The following PPP6R2 variants were observed in gnomAD, a reference collection of about 807,000 sequenced individuals.
The protein encoded by PPP6R2 is protein phosphatase 6 regulatory subunit 2, also known as serine/threonine-protein phosphatase 6 regulatory subunit 2.
A neutral mutation model predicts 100.2 loss-of-function variants in PPP6R2; 62 were observed. The ratio of observed to expected loss-of-function variants is 0.62; its 90% confidence interval spans 0.50 to 0.76. The LOEUF (loss-of-function observed/expected upper bound fraction) is 0.76, where lower values mean the gene tolerates loss of function less well. Among genes scored for constraint, PPP6R2 ranks in the 30% least tolerant of loss-of-function variants. PPP6R2 has a pLI of 0.00. For missense variants in PPP6R2, 1,142 were observed against 1,276.3 expected (o/e 0.89, Z 1.60); for synonymous variants, 525 against 514.7 (o/e 1.02, Z -0.27).
At chr22:50,409,904 T>G (rs1046400563) in intron 4 of PPP6R2, among the ~76,000 whole-genome samples, 2 of 152,080 alleles carry the variant, frequency 1.3e-5, no homozygotes, top group Non-Finnish European at 2.9e-5. Context: ...TTTTTATATT[T>G]TTTAGTGGAG....
At chr22:50,350,723 T>C (rs1024764689) in intron 1 of PPP6R2, among the ~76,000 whole-genome samples, 28 of 151,080 alleles carry the variant, frequency 1.9e-4, no homozygotes, top group African/African-American at 6.8e-4. Flanking sequence ...TGGGCGCCTG[T>C]AGTCTCAGCT....
At chr22:50,354,492 T>G (rs994144078) in intron 1 of PPP6R2, among the ~76,000 whole-genome samples, 1 of 151,994 alleles carries the variant, frequency 6.6e-6, no homozygotes, top group Non-Finnish European at 1.5e-5. Flanking sequence ...ATTTTTATTT[T>G]TTGGCTAGTC....
chr22:50,338,537 GGT>G (rs762569796), upstream of PPP6R2, among the ~76,000 whole-genome samples: 3 of 123,340 alleles, frequency 2.4e-5, no homozygotes, highest in Non-Finnish European at 5.0e-5. Context: ...GTGTGTGTAG[GGT>G]GTGTGGTGTG....
In PPP6R2 at chr22:50,388,598, G is replaced by A. The variant is rs185675445; in HGVS notation, c.-16-5295G>A. On this transcript the variant is annotated intron_variant, in intron 2 of 23. Coordinates refer to ENST00000612753, the MANE Select transcript of PPP6R2 (RefSeq NM_001242898.2). ...ACATAAATTTTTTAAAAAGGGCCAG[G>A]CACGGTGGCTCACGCCTATAATCCC... Among the ~76,000 whole-genome samples, 6 of 152,186 alleles carry A rather than the reference G, an allele frequency of 3.9e-5. No homozygotes were observed. In the East Asian group the frequency reaches 1.2e-3, roughly 29 times the overall value.
chr22:50,338,557 T>C (rs527859559), upstream of PPP6R2, among the ~76,000 whole-genome samples: 10 of 107,138 alleles, frequency 9.3e-5, no homozygotes, highest in East Asian at 2.4e-3. Flanking sequence ...GTGTGTGGTA[T>C]GTAGTGTGTG....
rs1331607383 is a variant in PPP6R2, at chr22:50,438,593, C to T, written c.1965-6C>T. 3 of 1,613,520 alleles carry T rather than the reference C, an allele frequency of 1.9e-6. No individual in the cohort carries two copies. Among genetic ancestry groups the T allele is most frequent in the Non-Finnish European group, 2.5e-6 (3 of 1,179,784 alleles). The stretch of plus-strand genomic sequence containing the variant: ...CACCAGACATCTGACTCTGAATCTC[C>T]CCCAGGTTTGGAGCCCCCCATGCTT... On this transcript the variant is annotated splice_region_variant and splice_polypyrimidine_tract_variant and intron_variant, in intron 18 of 23. Transcript: ENST00000612753.
chr22:50,396,829 G>A (rs76623225), intron 3 of PPP6R2, among the ~76,000 whole-genome samples: 1,997 of 152,266 alleles, frequency 0.013, 39 homozygotes, highest in African/African-American at 0.046. Flanking sequence ...GAGAGTTCTA[G>A]CCTGAGCAGG....
chr22:50,395,648 C>T (rs1603122979), intron 3 of PPP6R2, among the ~76,000 whole-genome samples: 1 of 152,104 alleles, frequency 6.6e-6, no homozygotes, highest in Non-Finnish European at 1.5e-5. Context: ...AGAGTCTCTG[C>T]CTCCTGGTCC....
chr22:50,366,255 C>T (rs2048737276), intron 1 of PPP6R2, among the ~76,000 whole-genome samples: 1 of 151,980 alleles, frequency 6.6e-6, no homozygotes, highest in African/African-American at 2.4e-5. Context: ...CAAGGTTTTC[C>T]ACTGCAACTG....
chr22:50,419,257 C>A, intron 7 of PPP6R2, 92 bp from the exon 8 acceptor site: 2 of 1,153,656 alleles, frequency 1.7e-6, no homozygotes, highest in Non-Finnish European at 2.5e-6. Flanking sequence ...GAGGGTTTTG[C>A]TGGGGTCCTC....
At chr22:50,394,231 TGAA>T (rs2056246674) in intron 3 of PPP6R2, 96 bp downstream of exon 3, 5 of 1,499,694 alleles carry the variant, frequency 3.3e-6, no homozygotes, top group Admixed American at 4.2e-5. Context: ...GGATTTCTGA[TGAA>T]GAAGCGAGCC....
chr22:50,438,299 G>C lies in PPP6R2; in HGVS notation c.1964+1G>C, dbSNP rs747636945. 6.2e-7 allele frequency: 1 copy of C among 1,610,456 alleles called. No homozygotes were observed. The highest frequency in any genetic ancestry group is 2.2e-5 in the East Asian group (1 of 44,886). On this transcript the variant is annotated splice_donor_variant, in intron 18 of 23. Transcript: ENST00000612753. LOFTEE classifies it high-confidence loss of function. ...CTGCCCGGGTGATGGCCAGACCCAGGTGCGGGGCCTGCCCATCCCCACAAA... is the reference window on the plus strand; with the variant it reads ...CTGCCCGGGTGATGGCCAGACCCAGCTGCGGGGCCTGCCCATCCCCACAAA...
chr22:50,375,895 C>CA (rs1328411039), intron 2 of PPP6R2, among the ~76,000 whole-genome samples: 1 of 121,998 alleles, frequency 8.2e-6, no homozygotes, highest in Admixed American at 1.1e-4. Context: ...GGCTGAAGTG[C>CA]AGTAGCACAA....
intron 2 of PPP6R2, among the ~76,000 whole-genome samples, chr22:50,387,007 A>G (rs891654645): frequency 6.6e-6 from 1 of 152,016 alleles, no homozygotes; most frequent in Admixed American, 6.6e-5. Flanking sequence ...GTACCTTACT[A>G]CTGTTTTTGG....
intron 8 of PPP6R2, among the ~76,000 whole-genome samples, chr22:50,419,806 G>A (rs1416086187): frequency 2.6e-5 from 4 of 152,178 alleles, no homozygotes; most frequent in Admixed American, 1.3e-4. Flanking sequence ...TGTGTGTGTC[G>A]CAGGGTTTCC....
chr22:50,399,194 T>C (rs2057624282), intron 3 of PPP6R2, among the ~76,000 whole-genome samples: 1 of 152,170 alleles, frequency 6.6e-6, no homozygotes, highest in Non-Finnish European at 1.5e-5. Context: ...AAGACTGTCA[T>C]CTCTTTAAAA....
chr22:50,432,327 G>C lies in PPP6R2; in HGVS notation c.1398G>C (p.Thr466=), dbSNP rs375288131. The change falls in exon 12 of 24, where the codon ACG becomes ACC. Residue 466 remains threonine, a splice_region_variant and synonymous_variant. Transcript: ENST00000612753. ...AGGCCTGGGAAGCCAACGACCACACGCAGTAAGAGCCGCTCGGACGTGGAG... is the reference window on the plus strand; with the variant it reads ...AGGCCTGGGAAGCCAACGACCACACCCAGTAAGAGCCGCTCGGACGTGGAG... ...ILEAWEANDH[T]QAAGGMRRGN... is the part of the protein sequence containing the mutation. 1 of 1,549,006 alleles carries C rather than the reference G, an allele frequency of 6.5e-7. No homozygotes were observed. Among genetic ancestry groups the C allele is most frequent in the Non-Finnish European group, 8.7e-7 (1 of 1,146,852 alleles).
intron 2 of PPP6R2, among the ~76,000 whole-genome samples, chr22:50,373,762 C>T (rs558565115): frequency 6.6e-6 from 1 of 151,954 alleles, no homozygotes; most frequent in African/African-American, 2.4e-5. Flanking sequence ...GAGACAGAGT[C>T]TTGCTCTGTT....
chr22:50,422,244 T>C lies in PPP6R2; in HGVS notation c.846-10T>C. 1 of 1,612,028 alleles carries C rather than the reference T, an allele frequency of 6.2e-7. No individual in the cohort carries two copies. On this transcript the variant is annotated splice_polypyrimidine_tract_variant and intron_variant, in intron 8 of 23. Transcript: ENST00000612753. ...TGTCCCCGGTCTCCATCTGCTTTCC[T>C]CATCCACAGGACAGAGGGCTTGGTG...
Sources: gnomAD v4.1 joint callset for allele counts (sites outside exome capture counted in the v4.1 genomes callset) on GRCh38, gnomAD v4.1.1 for gene constraint, MANE v1.5 for transcripts, NCBI Gene and HGNC (gene_info 2026-07-23, HGNC 2026-07-21) for gene names.